Variants in SPARCL1 observed in about 807,000 individuals in gnomAD.
SPARCL1 encodes the protein SPARC-like protein 1.
In SPARCL1, 52 loss-of-function variants were observed where a neutral mutation model predicts 67.1. The observed-to-expected ratio is 0.78, with a 90% confidence interval of 0.62 to 0.98. SPARCL1 has a LOEUF of 0.98. SPARCL1 is among the 50% of genes least tolerant of loss of function. The pLI, the probability that SPARCL1 is intolerant of heterozygous loss-of-function variation, is 0.00. For missense variants in SPARCL1, 717 were observed against 782.4 expected, an observed-to-expected ratio of 0.92 and a Z score of 1.00; for synonymous variants, 226 against 267.8, an observed-to-expected ratio of 0.84 and a Z score of 1.52.
At chr4:87,475,748 G>C (rs1473320722) in intron 10 of SPARCL1, among the ~76,000 whole-genome samples, 1 of 152,132 alleles carries the variant, frequency 6.6e-6, no homozygotes, top group African/African-American at 2.4e-5. Flanking sequence ...CAACATGCTG[G>C]TGAAGCTGCA....
intron 1 of SPARCL1, among the ~76,000 whole-genome samples, chr4:87,518,560 G>A (rs752447692): frequency 2.6e-5 from 4 of 152,122 alleles, no homozygotes; most frequent in Admixed American, 2.0e-4. Context: ...TCTCTTCCCC[G>A]CCTATGCCTA....
chr4:87,494,359 G>C lies in SPARCL1; in HGVS notation c.441C>G (p.Ser147=). ...NTDFLAPGVS[S]FTDSNQQESI... Reference sequence around the variant, plus strand: ...TTTCTTGTTGGTTAGAATCTGTGAAGGAACTAACACCAGGAGCCAAAAAAT... The same window carrying C: ...TTTCTTGTTGGTTAGAATCTGTGAACGAACTAACACCAGGAGCCAAAAAAT... The change falls in exon 4 of 11, where the codon TCC becomes TCG. Residue 147 remains serine, a synonymous_variant. Coordinates refer to ENST00000282470, the MANE Select transcript of SPARCL1 (RefSeq NM_004684.6). The C allele has an allele frequency of 1.2e-6, 2 of 1,614,126 alleles. No homozygotes were observed. Among genetic ancestry groups the C allele is most frequent in the Non-Finnish European group, 1.7e-6 (2 of 1,180,030 alleles).
At chr4:87,477,815 C>T (rs1723641294) in intron 10 of SPARCL1, among the ~76,000 whole-genome samples, 2 of 152,134 alleles carry the variant, frequency 1.3e-5, no homozygotes, top group Non-Finnish European at 1.5e-5. Context: ...CCTTGGAAAC[C>T]GTGAGAAAGA....
At chr4:87,526,774 C>T (rs565330088) in intron 1 of SPARCL1, among the ~76,000 whole-genome samples, 17 of 152,306 alleles carry the variant, frequency 1.1e-4, no homozygotes, top group Middle Eastern at 3.4e-3. Flanking sequence ...TCCCGTTCTA[C>T]GGAGTTTCAA....
At chr4:87,494,694 C>T in intron 3 of SPARCL1, 96 bp from the exon 4 acceptor site, 1 of 1,011,872 alleles carries the variant, frequency 9.9e-7, no homozygotes, top group Non-Finnish European at 1.4e-6. Context: ...TTTTTCTTCA[C>T]ACACTATCAT....
chr4:87,498,897 G>A (rs1453807078), intron 2 of SPARCL1, among the ~76,000 whole-genome samples: 7 of 148,904 alleles, frequency 4.7e-5, no homozygotes, highest in Non-Finnish European at 7.4e-5. Flanking sequence ...TTTTTCAGAC[G>A]GAGTCTCACT....
At chr4:87,512,555 A>C (rs1319887632) in intron 1 of SPARCL1, among the ~76,000 whole-genome samples, 1 of 152,012 alleles carries the variant, frequency 6.6e-6, no homozygotes, top group Non-Finnish European at 1.5e-5. Context: ...CAGACTATTG[A>C]ATGATGAGAG....
intron 5 of SPARCL1, 136 bp downstream of exon 5, chr4:87,491,482 A>G: frequency 1.3e-6 from 1 of 751,802 alleles, no homozygotes; most frequent in Non-Finnish European, 2.4e-6. Flanking sequence ...AATTTATGGG[A>G]GCATTTCCTT....
At chr4:87,518,296 A>G (rs1245118908) in intron 1 of SPARCL1, among the ~76,000 whole-genome samples, 1 of 152,156 alleles carries the variant, frequency 6.6e-6, no homozygotes, top group Middle Eastern at 3.2e-3. Context: ...CCACCATGGG[A>G]AAAGACTTTT....
intron 10 of SPARCL1, among the ~76,000 whole-genome samples, chr4:87,476,373 T>C (rs1723584119): frequency 6.6e-6 from 1 of 152,230 alleles, no homozygotes; most frequent in African/African-American, 2.4e-5. Context: ...TCTCTTTTTT[T>C]CCCCTTTGGT....
intron 1 of SPARCL1, among the ~76,000 whole-genome samples, chr4:87,511,727 AG>A (rs1333942382): frequency 6.6e-6 from 1 of 152,082 alleles, no homozygotes; most frequent in Non-Finnish European, 1.5e-5. Flanking sequence ...GAGGTTATTG[AG>A]GATCTCAGGG....
chr4:87,485,802 A>G (rs976227815), intron 7 of SPARCL1, among the ~76,000 whole-genome samples: 1 of 152,058 alleles, frequency 6.6e-6, no homozygotes, highest in Admixed American at 6.5e-5. Context: ...GGGAGGGTAT[A>G]TGTGTCCAGG....
At chr4:87,490,242 A>T (rs749688338) in intron 7 of SPARCL1, 31 bp downstream of exon 7, 1 of 1,588,242 alleles carries the variant, frequency 6.3e-7, no homozygotes. Flanking sequence ...CCTCTCAGAG[A>T]TGATGGTTGA....
chr4:87,484,309 A>C (rs1723961875), intron 7 of SPARCL1, among the ~76,000 whole-genome samples: 1 of 152,154 alleles, frequency 6.6e-6, no homozygotes, highest in Non-Finnish European at 1.5e-5. Context: ...ATGGCTAGCC[A>C]GTTTTCCCAG....
Position 87,479,566 on chromosome 4 carries a change from A to G in SPARCL1, c.1830T>C (p.His610=), listed in dbSNP as rs1186369545. ...ATGCTCGCAGAGGAGCAAGTTCAGAATGTGTCAAGACTCTGCAATGAAATA... is the reference window on the plus strand; with the variant it reads ...ATGCTCGCAGAGGAGCAAGTTCAGAGTGTGTCAAGACTCTGCAATGAAATA... ...DQHPMDRVLT[H]SELAPLRASL... is the part of the protein sequence containing the mutation. The change falls in exon 10 of 11, where the codon CAT becomes CAC. Residue 610 remains histidine, a synonymous_variant. Transcript: ENST00000282470. 4 of 1,614,108 alleles carry G rather than the reference A, an allele frequency of 2.5e-6. No homozygotes were observed. The highest frequency in any genetic ancestry group is 1.7e-4 in the Middle Eastern group (1 of 6,052).
rs1723436001 is a variant in SPARCL1 at position 87,473,599 on chromosome 4, A to G, written c.*176T>C. 2.2e-6 allele frequency: 1 copy of G among 461,438 alleles called. No homozygotes were observed. The highest frequency in any genetic ancestry group is 3.9e-6 in the Non-Finnish European group (1 of 257,718). 28.6% of individuals were successfully genotyped at this position (461,438 alleles called of 1,614,324 possible). On this transcript the variant is annotated 3_prime_UTR_variant, in exon 11 of 11. Transcript: ENST00000282470. ...ACTTAATTGTACATTTTTGTTTCCA[A>G]AGTTAATGTTAAATACCTGGTGCAT...
At chr4:87,475,310 C>T (rs987104423) in intron 10 of SPARCL1, among the ~76,000 whole-genome samples, 28 of 152,278 alleles carry the variant, frequency 1.8e-4, no homozygotes, top group African/African-American at 6.5e-4. Flanking sequence ...ACATCTCAGT[C>T]GCATTTGGCA....
chr4:87,515,877 T>A (rs1010827478), intron 1 of SPARCL1, among the ~76,000 whole-genome samples: 4 of 152,182 alleles, frequency 2.6e-5, no homozygotes, highest in African/African-American at 9.7e-5. Context: ...ATTTCTTACA[T>A]TTCTTATTTA....
intron 1 of SPARCL1, among the ~76,000 whole-genome samples, chr4:87,502,256 C>A (rs1223644062): frequency 2.6e-5 from 4 of 152,092 alleles, no homozygotes; most frequent in Non-Finnish European, 5.9e-5. Context: ...GGATAATTTG[C>A]ATATCCATCA....
Sources: gnomAD v4.1 joint callset for allele counts (sites outside exome capture counted in the v4.1 genomes callset) on GRCh38, gnomAD v4.1.1 for gene constraint, MANE v1.5 for transcripts, NCBI Gene and HGNC (gene_info 2026-07-23, HGNC 2026-07-21) for gene names.